The following RBFOX1 variants were observed in gnomAD, a reference collection of about 807,000 sequenced individuals.
RBFOX1 encodes the protein RNA binding fox-1 homolog 1, also known as RNA binding protein fox-1 homolog 1.
Under a neutral mutation model 57.7 loss-of-function variants are expected in RBFOX1, and 8 were observed. The ratio of observed to expected loss-of-function variants is 0.14; its 90% CI spans 0.08 to 0.25. The LOEUF (loss-of-function observed/expected upper bound fraction) is 0.25. Ranked by LOEUF, RBFOX1 falls within the 10% of genes least tolerant of loss-of-function variation. The pLI is 1.00. For missense variants in RBFOX1, 611 were observed against 548.5 expected (o/e 1.11, Z -1.14); for synonymous variants, 326 against 222.4 (o/e 1.47, Z -4.15).
chr16:5,830,504 T>A (rs2056227289), intron 3 of RBFOX1, among the ~76,000 whole-genome samples: 1 of 152,072 alleles, frequency 6.6e-6, no homozygotes, highest in Non-Finnish European at 1.5e-5. Context: ...CTGAGTAATA[T>A]CTGGGTATGA....
At chr16:7,546,066 T>G (rs116858155) in intron 5 of RBFOX1, among the ~76,000 whole-genome samples, 3,724 of 149,088 alleles carry the variant, frequency 0.025, 68 homozygotes, top group Non-Finnish European at 0.039. Context: ...GTGGCTCATG[T>G]CAGTAATCCC....
intron 3 of RBFOX1, among the ~76,000 whole-genome samples, chr16:7,035,329 C>G (rs2044082051): frequency 6.6e-6 from 1 of 152,136 alleles, no homozygotes; most frequent in Admixed American, 6.5e-5. Flanking sequence ...GCCCATTTAT[C>G]CTAGTTAAAG....
chr16:5,909,429 G>C (rs1261747396), intron 4 of RBFOX1, among the ~76,000 whole-genome samples: 1 of 152,156 alleles, frequency 6.6e-6, no homozygotes, highest in African/African-American at 2.4e-5. Context: ...AAATAATAGA[G>C]AAGCCCAATA....
intron 4 of RBFOX1, among the ~76,000 whole-genome samples, chr16:7,460,642 A>G (rs2059414149): frequency 6.6e-6 from 1 of 151,576 alleles, no homozygotes; most frequent in Non-Finnish European, 1.5e-5. Context: ...GAGTGATGAA[A>G]TAATCTGCAC....
intron 1 of RBFOX1, among the ~76,000 whole-genome samples, chr16:6,044,337 C>T (rs1596641040): frequency 6.6e-6 from 1 of 152,122 alleles, no homozygotes; most frequent in Non-Finnish European, 1.5e-5. Flanking sequence ...GCGTTCTTAA[C>T]CAAGAAGGTC....
chr16:6,220,314 G>A (rs1366202043), intron 1 of RBFOX1, among the ~76,000 whole-genome samples: 1 of 152,032 alleles, frequency 6.6e-6, no homozygotes, highest in African/African-American at 2.4e-5. Context: ...GCAGATACAT[G>A]TTCATTTTTG....
intron 1 of RBFOX1, among the ~76,000 whole-genome samples, chr16:6,272,131 C>G (rs944942843): frequency 3.3e-5 from 5 of 152,258 alleles, no homozygotes; most frequent in South Asian, 2.1e-4. Flanking sequence ...GATGTTAACA[C>G]TGGTTCAATA....
At chr16:7,481,904 A>G (rs561162350) in intron 4 of RBFOX1, among the ~76,000 whole-genome samples, 2 of 152,370 alleles carry the variant, frequency 1.3e-5, no homozygotes, top group Non-Finnish European at 2.9e-5. Context: ...AAAGTGTTGA[A>G]TATCTCATGT....
chr16:6,680,307 G>T (rs560645807), intron 3 of RBFOX1, among the ~76,000 whole-genome samples: 159 of 98,310 alleles, frequency 1.6e-3, no homozygotes, highest in Non-Finnish European at 2.6e-3. Flanking sequence ...TTGTCGCCCA[G>T]GCTGGAGTGC....
chr16:5,418,826 G>A (rs1200931791), intron 1 of RBFOX1, among the ~76,000 whole-genome samples: 1 of 152,180 alleles, frequency 6.6e-6, no homozygotes, highest in Non-Finnish European at 1.5e-5. Flanking sequence ...TAGCAAAAGA[G>A]AAAGACTCAG....
chr16:5,785,548 G>T (rs1192871567), intron 3 of RBFOX1, among the ~76,000 whole-genome samples: 4 of 150,132 alleles, frequency 2.7e-5, no homozygotes, highest in African/African-American at 9.8e-5. Context: ...TTTTTTTGAG[G>T]CGGAGTTTCA....
intron 5 of RBFOX1, among the ~76,000 whole-genome samples, chr16:7,560,806 A>G (rs1454308685): frequency 6.6e-6 from 1 of 152,186 alleles, no homozygotes. Context: ...TCTTCATTTT[A>G]AGAGTTTGGA....
chr16:7,672,876 A>AAAAAAAAAAG, intron 13 of RBFOX1, among the ~76,000 whole-genome samples: 1 of 149,628 alleles, frequency 6.7e-6, no homozygotes, highest in African/African-American at 2.5e-5. Context: ...AAAAAAAAAA[A>AAAAAAAAAAG]AAAAAAAAAA....
chr16:6,683,086 G>C (rs1405781567), intron 3 of RBFOX1, among the ~76,000 whole-genome samples: 1 of 152,082 alleles, frequency 6.6e-6, no homozygotes, highest in Non-Finnish European at 1.5e-5. Flanking sequence ...GAATACTGGA[G>C]ACTCGAGTTT....
chr16:7,246,499 C>G (rs1471589856), intron 4 of RBFOX1, among the ~76,000 whole-genome samples: 1 of 152,190 alleles, frequency 6.6e-6, no homozygotes, highest in Non-Finnish European at 1.5e-5. Flanking sequence ...TATCTGGCCT[C>G]TCTCCAGTCT....
intron 2 of RBFOX1, among the ~76,000 whole-genome samples, chr16:5,594,646 T>G (rs369026157): frequency 1.8e-4 from 27 of 152,266 alleles, no homozygotes; most frequent in African/African-American, 6.0e-4. Context: ...TTTGAGTTTC[T>G]GATTAGCATC....
chr16:7,518,980 T>G (rs533649904), intron 5 of RBFOX1, among the ~76,000 whole-genome samples: 50 of 152,298 alleles, frequency 3.3e-4, no homozygotes, highest in South Asian at 2.7e-3. Context: ...CTAAGATTGC[T>G]CCACTGAACT....
At chr16:7,313,320 A>G (rs557000637) in intron 4 of RBFOX1, among the ~76,000 whole-genome samples, 1 of 152,254 alleles carries the variant, frequency 6.6e-6, no homozygotes, top group East Asian at 1.9e-4. Flanking sequence ...CAGTTAACAC[A>G]GGAAGGGGTT....
chr16:5,511,577 G>C (rs1169098482), intron 2 of RBFOX1, among the ~76,000 whole-genome samples: 1 of 151,972 alleles, frequency 6.6e-6, no homozygotes, highest in Non-Finnish European at 1.5e-5. Flanking sequence ...ATGCCACTCA[G>C]CTCTGTGCCT....
Sources: gnomAD v4.1 joint callset for allele counts (sites outside exome capture counted in the v4.1 genomes callset) on GRCh38, gnomAD v4.1.1 for gene constraint, MANE v1.5 for transcripts, NCBI Gene and HGNC (gene_info 2026-07-23, HGNC 2026-07-21) for gene names.